The following CATSPERE variants were observed in gnomAD, a reference collection of about 807,000 sequenced individuals.
CATSPERE encodes the protein catsper channel auxiliary subunit epsilon.
Under a neutral mutation model 114.1 loss-of-function variants are expected in CATSPERE, and 93 were observed. The observed-to-expected ratio is 0.81, with a 90% confidence interval of 0.69 to 0.97. The LOEUF (loss-of-function observed/expected upper bound fraction) is 0.97, where lower values mean the gene tolerates loss of function less well. CATSPERE is among the 50% of genes least tolerant of loss of function. The pLI, the probability that CATSPERE is intolerant of heterozygous loss-of-function variation, is 0.00. For missense variants in CATSPERE, 1,058 were observed against 1,131.6 expected (o/e 0.93, Z 0.93); for synonymous variants, 341 against 384.1 (o/e 0.89, Z 1.31).
intron 19 of CATSPERE, 60 bp downstream of exon 19, chr1:244,610,386 A>G (rs764004261): frequency 7.9e-7 from 1 of 1,269,044 alleles, no homozygotes; most frequent in Admixed American, 1.8e-5. Flanking sequence ...GCATTTTGCT[A>G]TTAACAAAAA....
intron 9 of CATSPERE, among the ~76,000 whole-genome samples, chr1:244,553,646 TAC>T (rs1176202089): frequency 1.1e-5 from 1 of 88,882 alleles, no homozygotes; most frequent in Admixed American, 1.2e-4. Context: ...CACACACACA[TAC>T]ATATATATAT....
At chr1:244,542,709 C>T (rs920446348) in intron 8 of CATSPERE, among the ~76,000 whole-genome samples, 7 of 152,034 alleles carry the variant, frequency 4.6e-5, no homozygotes, top group African/African-American at 1.7e-4. Flanking sequence ...TATAAGACTA[C>T]CCTGGATCTA....
At chr1:244,630,118 G>A (rs930528045) in intron 20 of CATSPERE, among the ~76,000 whole-genome samples, 2 of 152,124 alleles carry the variant, frequency 1.3e-5, no homozygotes, top group African/African-American at 4.8e-5. Flanking sequence ...GGTGGACTAC[G>A]GTATTCCCCA....
rs114689380 is a variant in CATSPERE, at chr1:244,592,380, A to C, written c.2189+649A>C. On this transcript the variant is annotated intron_variant, in intron 15 of 21. Transcript: ENST00000366534. ...TGATGTATTAAAGATATAACTAAAT[A>C]AAATTTGACTTTTACCTTTGTAAGA... Among the ~76,000 whole-genome samples, 763 of 152,298 alleles carry C rather than the reference A, an allele frequency of 5.0e-3. 9 individuals are homozygous for C. The highest frequency in any genetic ancestry group is 0.018 in the African/African-American group (743 of 41,582).
chr1:244,578,939 C>G (rs1157557234), intron 11 of CATSPERE, among the ~76,000 whole-genome samples: 1 of 149,834 alleles, frequency 6.7e-6, no homozygotes, highest in African/African-American at 2.5e-5. Context: ...TCTCGTTCAA[C>G]ATTTTCTTGT....
At chr1:244,593,687 C>T in intron 17 of CATSPERE, 109 bp downstream of exon 17, 2 of 868,854 alleles carry the variant, frequency 2.3e-6, no homozygotes, top group South Asian at 1.6e-5. Context: ...TTAGACTCTA[C>T]TCAATATATG....
intron 8 of CATSPERE, among the ~76,000 whole-genome samples, chr1:244,547,572 A>G (rs982517757): frequency 2.7e-5 from 4 of 148,988 alleles, no homozygotes; most frequent in Non-Finnish European, 5.9e-5. Context: ...AGAGTAAAAT[A>G]TAGAAAAATT....
chr1:244,614,300 C>A (rs987834855), intron 19 of CATSPERE, among the ~76,000 whole-genome samples: 2 of 152,220 alleles, frequency 1.3e-5, no homozygotes, highest in South Asian at 2.1e-4. Context: ...TCCCCTCCTT[C>A]CTTGGAGTTT....
In CATSPERE at chr1:244,530,393, C is replaced by G. The variant is rs141709556; in HGVS notation, c.536+11695C>G. On this transcript the variant is annotated intron_variant, in intron 8 of 21. Coordinates refer to ENST00000366534, the MANE Select transcript of CATSPERE (RefSeq NM_001130957.2). The stretch of plus-strand genomic sequence containing the variant: ...TTGGTCTATGTGTCTGTTTCTATGC[C>G]AGTACCATGCTGTTTTGGTTACTGT... Among the ~76,000 whole-genome samples the G allele has an allele frequency of 3.7e-3, 562 of 152,298 alleles. 2 individuals are homozygous for G. The highest frequency in any genetic ancestry group is 0.013 in the African/African-American group (529 of 41,564).
intron 8 of CATSPERE, among the ~76,000 whole-genome samples, chr1:244,531,535 A>G (rs1175809158): frequency 6.7e-6 from 1 of 149,702 alleles, no homozygotes; most frequent in African/African-American, 2.5e-5. Flanking sequence ...TTTTTTTGTC[A>G]TGAAGTGATG....
chr1:244,583,804 A>G (rs1666601749), intron 12 of CATSPERE, 60 bp from the exon 13 acceptor site: 2 of 1,509,208 alleles, frequency 1.3e-6, no homozygotes, highest in South Asian at 1.2e-5. Flanking sequence ...CTCTACAGAA[A>G]GACAGTGTCA....
chr1:244,520,017 T>A lies in CATSPERE; in HGVS notation c.536+1319T>A, dbSNP rs546091007. ...AGCCACCATGACTAGCCCTAAGAGT[T>A]CTTTATATTCTAGATACAAGTCCTT... On this transcript the variant is annotated intron_variant, in intron 8 of 21. Transcript: ENST00000366534. 2.0e-5 allele frequency among the ~76,000 whole-genome samples: 3 copies of A among 147,648 alleles called. No individual in the cohort carries two copies. The South Asian group carries it at 6.3e-4, about 31-fold the overall frequency.
chr1:244,530,644 A>G (rs1308365989), intron 8 of CATSPERE, among the ~76,000 whole-genome samples: 2 of 152,136 alleles, frequency 1.3e-5, no homozygotes, highest in East Asian at 3.8e-4. Flanking sequence ...GAATCTTCCA[A>G]TCCATGAACA....
intron 7 of CATSPERE, among the ~76,000 whole-genome samples, chr1:244,510,178 C>T (rs1384583092): frequency 1.3e-5 from 2 of 151,940 alleles, no homozygotes; most frequent in African/African-American, 4.8e-5. Context: ...TATTTGAGAT[C>T]CTTTTACTTT....
chr1:244,571,425 C>A (rs1664444341), intron 10 of CATSPERE, among the ~76,000 whole-genome samples: 1 of 152,180 alleles, frequency 6.6e-6, no homozygotes, highest in African/African-American at 2.4e-5. Context: ...ACTATGAAAT[C>A]ATCTAGCCCA....
chr1:244,635,556 C>A lies in CATSPERE; in HGVS notation c.2702+14C>A. 1 of 1,598,244 alleles carries A rather than the reference C, an allele frequency of 6.3e-7. No individual in the cohort carries two copies. The highest frequency in any genetic ancestry group is 8.6e-7 in the Non-Finnish European group (1 of 1,166,728). On this transcript the variant is annotated intron_variant, in intron 21 of 21. Transcript: ENST00000366534. ...ACTGATTCCCAGGTAAGGAGCAGGG[C>A]CTAACTGGACTTTAATTAGGGAATT...
chr1:244,462,106 T>G (rs1666915778), intron 1 of CATSPERE, among the ~76,000 whole-genome samples: 1 of 152,154 alleles, frequency 6.6e-6, no homozygotes, highest in African/African-American at 2.4e-5. Context: ...CTATGAGCTC[T>G]GAGCCATGAG....
chr1:244,574,013 T>C (rs984847389), intron 11 of CATSPERE, among the ~76,000 whole-genome samples: 2 of 152,194 alleles, frequency 1.3e-5, no homozygotes, highest in African/African-American at 2.4e-5. Context: ...AGAGTGCACC[T>C]GAATAAAGGA....
Position 244,572,370 on chromosome 1 carries a change from A to G in CATSPERE, c.1548A>G (p.Val516=), listed in dbSNP as rs761707340. The G allele has an allele frequency of 6.6e-7, 1 of 1,517,804 alleles. No individual in the cohort carries two copies. Among genetic ancestry groups the G allele is most frequent in the Non-Finnish European group, 9.1e-7 (1 of 1,101,550 alleles). 94.0% of individuals were successfully genotyped at this position (1,517,804 alleles called of 1,614,324 possible). ...GDILVKMENN[V]IFYSKINTRD... ...TTTTGGTAAAAATGGAAAATAATGT[A>G]ATATTTTATTCCAAGATTAATACTA... The change falls in exon 11 of 22, where the codon GTA becomes GTG. Residue 516 remains valine (V), a synonymous_variant. Coordinates refer to ENST00000366534, the MANE Select transcript of CATSPERE (RefSeq NM_001130957.2).
Sources: allele counts gnomAD v4.1 joint callset (sites outside exome capture counted in the v4.1 genomes callset), GRCh38; gene constraint gnomAD v4.1.1; transcripts MANE v1.5; gene names NCBI Gene and HGNC (gene_info 2026-07-23, HGNC 2026-07-21).